EPHA6: variants seen among roughly 807,000 people sequenced by gnomAD.
EPHA6 encodes the protein EPH receptor A6, also known as ephrin type-A receptor 6.
In EPHA6, 50 loss-of-function variants were observed where a neutral mutation model predicts 112.0. The ratio of observed to expected loss-of-function variants is 0.45; its 90% confidence interval spans 0.36 to 0.56. The LOEUF (loss-of-function observed/expected upper bound fraction) is 0.56. Among genes scored for constraint, EPHA6 ranks in the 20% least tolerant of loss-of-function variants. The pLI, the probability that EPHA6 is intolerant of heterozygous loss-of-function variation, is 0.00. For missense variants in EPHA6, 1,280 were observed against 1,417.4 expected, an observed-to-expected ratio of 0.90 and a Z score of 1.56; for synonymous variants, 529 against 490.7, an observed-to-expected ratio of 1.08 and a Z score of -1.03.
chr3:97,633,647 C>T (rs142677951), intron 13 of EPHA6, among the ~76,000 whole-genome samples: 86 of 152,122 alleles, frequency 5.7e-4, no homozygotes, highest in African/African-American at 1.5e-3. Context: ...CTGTTTTATA[C>T]GAGACAATAG....
chr3:97,619,044 C>T (rs1406003777), intron 13 of EPHA6, among the ~76,000 whole-genome samples: 2 of 152,100 alleles, frequency 1.3e-5, no homozygotes, highest in Non-Finnish European at 2.9e-5. Flanking sequence ...TCCAGCAGCA[C>T]ATCAAAGAGC....
chr3:97,418,643 G>A (rs1163928461), intron 6 of EPHA6, among the ~76,000 whole-genome samples: 2 of 152,104 alleles, frequency 1.3e-5, no homozygotes, highest in African/African-American at 4.8e-5. Context: ...AACAAAAAGA[G>A]GGAGTTTGTC....
intron 3 of EPHA6, among the ~76,000 whole-genome samples, chr3:97,027,319 A>G (rs2044674239): frequency 6.6e-6 from 1 of 152,162 alleles, no homozygotes; most frequent in African/African-American, 2.4e-5. Context: ...GGAGAGGATC[A>G]GGAATCACAA....
chr3:97,063,445 G>T (rs1162921065), intron 3 of EPHA6, among the ~76,000 whole-genome samples: 1 of 152,110 alleles, frequency 6.6e-6, no homozygotes, highest in Non-Finnish European at 1.5e-5. Context: ...GCAAACAAAT[G>T]CAGGAGCAGA....
At chr3:97,127,769 T>G (rs774175847) in intron 3 of EPHA6, among the ~76,000 whole-genome samples, 4 of 152,060 alleles carry the variant, frequency 2.6e-5, no homozygotes, top group South Asian at 2.1e-4. Context: ...CTCAAATTCT[T>G]TAGCTTCCAG....
chr3:97,260,261 C>T (rs141223696), intron 5 of EPHA6, among the ~76,000 whole-genome samples: 47 of 152,212 alleles, frequency 3.1e-4, no homozygotes, highest in African/African-American at 1.1e-3. Context: ...GAGTGTGGAG[C>T]CTTGGGATCA....
At chr3:96,973,927 T>C (rs1423279741) in intron 2 of EPHA6, among the ~76,000 whole-genome samples, 2 of 145,832 alleles carry the variant, frequency 1.4e-5, no homozygotes, top group Non-Finnish European at 3.0e-5. Flanking sequence ...CTGTATATTA[T>C]ATAATATATA....
At chr3:96,939,595 C>T (rs2040816946) in intron 2 of EPHA6, among the ~76,000 whole-genome samples, 1 of 152,166 alleles carries the variant, frequency 6.6e-6, no homozygotes, top group Non-Finnish European at 1.5e-5. Context: ...TTTTGTGTCT[C>T]TATATCCTTC....
intron 7 of EPHA6, among the ~76,000 whole-genome samples, chr3:97,465,985 G>C (rs943425823): frequency 3.3e-5 from 5 of 149,540 alleles, no homozygotes; most frequent in African/African-American, 1.2e-4. Flanking sequence ...TTCTTTTTTT[G>C]TTTTTGCATC....
intron 3 of EPHA6, among the ~76,000 whole-genome samples, chr3:97,032,198 C>CA (rs753863573): frequency 5.3e-5 from 8 of 151,922 alleles, no homozygotes; most frequent in African/African-American, 1.9e-4. Flanking sequence ...ATCGCAAGGA[C>CA]AAAAAACCAA....
chr3:96,994,741 AG>A (rs1350309713), intron 3 of EPHA6, among the ~76,000 whole-genome samples: 1 of 133,276 alleles, frequency 7.5e-6, no homozygotes, highest in Non-Finnish European at 1.6e-5. Flanking sequence ...ATAGAGAGAG[AG>A]AGAGAGAGAG....
intron 5 of EPHA6, among the ~76,000 whole-genome samples, chr3:97,322,598 T>C (rs2108787580): frequency 6.6e-6 from 1 of 152,178 alleles, no homozygotes; most frequent in East Asian, 1.9e-4. Flanking sequence ...ATTTATATCA[T>C]TTATTAATGA....
chr3:97,027,648 T>G (rs576431324), intron 3 of EPHA6, among the ~76,000 whole-genome samples: 5 of 152,300 alleles, frequency 3.3e-5, no homozygotes, highest in Non-Finnish European at 7.4e-5. Flanking sequence ...TATCTGAAAA[T>G]AAGTGAATCC....
chr3:97,433,099 G>A (rs1209769618), intron 6 of EPHA6, among the ~76,000 whole-genome samples: 1 of 152,144 alleles, frequency 6.6e-6, no homozygotes, highest in African/African-American at 2.4e-5. Context: ...ACTCAGTATG[G>A]TGGTAAAAAC....
intron 5 of EPHA6, among the ~76,000 whole-genome samples, chr3:97,331,400 G>T (rs943495838): frequency 6.6e-6 from 1 of 152,060 alleles, no homozygotes. Context: ...ACTAAGAAAA[G>T]AGCAGAAGTG....
intron 13 of EPHA6, among the ~76,000 whole-genome samples, chr3:97,618,763 A>G (rs191736778): frequency 6.6e-6 from 1 of 152,068 alleles, no homozygotes; most frequent in Non-Finnish European, 1.5e-5. Flanking sequence ...AATTGAGGAA[A>G]TAATAAATAG....
intron 3 of EPHA6, among the ~76,000 whole-genome samples, chr3:97,219,319 A>C (rs2078124170): frequency 6.6e-6 from 1 of 152,092 alleles, no homozygotes; most frequent in Admixed American, 6.5e-5. Context: ...GCTCTAGTAG[A>C]GGTTCTCCAT....
At chr3:97,021,757 A>G (rs1199880288) in intron 3 of EPHA6, among the ~76,000 whole-genome samples, 1 of 152,180 alleles carries the variant, frequency 6.6e-6, no homozygotes, top group African/African-American at 2.4e-5. Context: ...TTTAATGTTA[A>G]TAACCTTTGT....
chr3:97,588,657 A>C (rs767054611), intron 11 of EPHA6, among the ~76,000 whole-genome samples: 36 of 152,198 alleles, frequency 2.4e-4, no homozygotes, highest in Non-Finnish European at 2.4e-4. Context: ...AAGAAACACT[A>C]AGACTGCTAA....
Sources: allele counts gnomAD v4.1 joint callset (sites outside exome capture counted in the v4.1 genomes callset), GRCh38; gene constraint gnomAD v4.1.1; transcripts MANE v1.5; gene names NCBI Gene and HGNC (gene_info 2026-07-23, HGNC 2026-07-21).